Variants in TLL2 observed in about 807,000 individuals in gnomAD.
TLL2 encodes tolloid-like protein 2.
Under a neutral mutation model 123.0 loss-of-function variants are expected in TLL2, and 106 were observed. The ratio of observed to expected loss-of-function variants is 0.86; its 90% CI spans 0.74 to 1.01. TLL2 has a LOEUF of 1.01. Ranked by LOEUF, TLL2 falls within the 50% of genes least tolerant of loss-of-function variation. The probability of loss-of-function intolerance (pLI) is 0.00; values close to 1 mark genes in which losing one functional copy is unlikely to be tolerated. For missense variants in TLL2, 1,332 were observed against 1,336.7 expected (o/e 1.00, Z 0.06); for synonymous variants, 494 against 516.8 (o/e 0.96, Z 0.60).
chr10:96,367,985 A>C lies in TLL2; in HGVS notation c.*103T>G. 2.1e-6 allele frequency: 3 copies of C among 1,401,632 alleles called. No homozygotes were observed. The highest frequency in any genetic ancestry group is 2.9e-6 in the Non-Finnish European group (3 of 1,036,774). The allele number at this position is 1,401,632 out of a possible 1,614,324, so 86.8% of individuals were successfully genotyped here. On this transcript the variant is annotated 3_prime_UTR_variant, in exon 21 of 21. Transcript: ENST00000357947. The stretch of plus-strand genomic sequence containing the variant: ...GATTCTGAGTTTTTGTTTGAGAAAA[A>C]TACTGTACACTGTTTTAGGGCAGAT...
At position 96,413,320 on chromosome 10, in the gene TLL2, C is replaced by T. The variant is rs1000172189; in HGVS notation, c.924-4G>A. Reference sequence around the variant, plus strand: ...GATGGTGTCTAAGAAAACTCCTCTACAGGAAGGAAAAAAGACAGAAAAAGA... The same window carrying T: ...GATGGTGTCTAAGAAAACTCCTCTATAGGAAGGAAAAAAGACAGAAAAAGA... On this transcript the variant is annotated splice_region_variant and splice_polypyrimidine_tract_variant and intron_variant, in intron 7 of 20. Coordinates refer to ENST00000357947, the MANE Select transcript of TLL2 (RefSeq NM_012465.4). The T allele has an allele frequency of 3.7e-6, 6 of 1,611,788 alleles. No individual in the cohort carries two copies. The highest frequency in any genetic ancestry group is 3.3e-5 in the Admixed American group (2 of 59,882).
rs918135323 is a variant in TLL2 at position 96,419,234 on chromosome 10, G to A, written c.923+1722C>T. Reference sequence around the variant, plus strand: ...TCAGATTTCCTGTATGGCAGTGAATGAGATCATAATCTGTCAACCCCTCAC... The same window carrying A: ...TCAGATTTCCTGTATGGCAGTGAATAAGATCATAATCTGTCAACCCCTCAC... On this transcript the variant is annotated intron_variant, in intron 7 of 20. Coordinates refer to ENST00000357947, the MANE Select transcript of TLL2 (RefSeq NM_012465.4). Among the ~76,000 whole-genome samples, 6 of 152,126 alleles carry A rather than the reference G, an allele frequency of 3.9e-5. 1 individual carries two copies. The highest frequency in any genetic ancestry group is 1.3e-4 in the Admixed American group (2 of 15,290).
intron 9 of TLL2, among the ~76,000 whole-genome samples, chr10:96,408,194 C>T (rs899515831): frequency 6.6e-6 from 1 of 152,258 alleles, no homozygotes; most frequent in East Asian, 1.9e-4. Context: ...TTTAAAATTA[C>T]AGAAAGGAAA....
At chr10:96,395,825 T>C (rs199858363) in intron 12 of TLL2, 50 bp downstream of exon 12, 10 of 1,606,518 alleles carry the variant, frequency 6.2e-6, no homozygotes, top group Non-Finnish European at 8.5e-6. Context: ...GTGGAGGATG[T>C]CTAGCAAAAG....
chr10:96,508,892 G>A (rs1053430911), intron 1 of TLL2, among the ~76,000 whole-genome samples: 3 of 152,042 alleles, frequency 2.0e-5, no homozygotes, highest in Admixed American at 2.0e-4. Context: ...CCTCCCACTG[G>A]AGAGGTGGGT....
chr10:96,413,143 C>T, intron 8 of TLL2, 49 bp downstream of exon 8: 2 of 1,607,092 alleles, frequency 1.2e-6, no homozygotes, highest in South Asian at 1.1e-5. Flanking sequence ...AGGGACTGTG[C>T]TTTGGAGATG....
At chr10:96,414,453 C>T (rs999297718) in intron 7 of TLL2, among the ~76,000 whole-genome samples, 2 of 152,156 alleles carry the variant, frequency 1.3e-5, no homozygotes, top group East Asian at 1.9e-4. Context: ...GCCCTCCTCC[C>T]TCCTCACTGT....
intron 1 of TLL2, among the ~76,000 whole-genome samples, chr10:96,508,898 T>A (rs1316302567): frequency 6.6e-6 from 1 of 151,728 alleles, no homozygotes; most frequent in Non-Finnish European, 1.5e-5. Context: ...ACTGGAGAGG[T>A]GGGTCTGTGC....
At chr10:96,396,357 C>G (rs922097550) in intron 11 of TLL2, among the ~76,000 whole-genome samples, 3 of 152,132 alleles carry the variant, frequency 2.0e-5, no homozygotes, top group African/African-American at 7.2e-5. Flanking sequence ...GGGAGCGCTG[C>G]GTAGCCGTGA....
chr10:96,510,825 G>T (rs1442392436), intron 1 of TLL2, among the ~76,000 whole-genome samples: 2 of 152,198 alleles, frequency 1.3e-5, no homozygotes, highest in Non-Finnish European at 2.9e-5. Flanking sequence ...GCAGCCAGGG[G>T]GCTCACACTG....
At chr10:96,394,157 T>C (rs1469943530) in intron 13 of TLL2, among the ~76,000 whole-genome samples, 2 of 152,048 alleles carry the variant, frequency 1.3e-5, no homozygotes, top group Non-Finnish European at 2.9e-5. Flanking sequence ...CTGTGCTGGC[T>C]CAGCCAGGAG....
chr10:96,420,036 C>T (rs560073435), intron 7 of TLL2, among the ~76,000 whole-genome samples: 37 of 152,328 alleles, frequency 2.4e-4, no homozygotes, highest in Middle Eastern at 3.4e-3. Context: ...TTTCCTTCTC[C>T]TTTCCCCCAG....
Position 96,480,338 on chromosome 10 carries a change from G to A in TLL2, c.286+11C>T, listed in dbSNP as rs1420046624. ...CCATCTGGGCAGGAGAAGGGAGGAA[G>A]CAGTACCTACCTGTGCTGTGTCCTG... On this transcript the variant is annotated intron_variant, in intron 2 of 20. Coordinates refer to ENST00000357947, the MANE Select transcript of TLL2 (RefSeq NM_012465.4). The A allele has an allele frequency of 6.2e-7, 1 of 1,610,460 alleles. No homozygotes were observed. The highest frequency in any genetic ancestry group is 2.2e-5 in the East Asian group (1 of 44,874).
intron 2 of TLL2, among the ~76,000 whole-genome samples, chr10:96,475,137 G>A (rs1421945246): frequency 1.3e-5 from 2 of 152,190 alleles, no homozygotes; most frequent in Non-Finnish European, 2.9e-5. Context: ...GTGGTCACAA[G>A]GTTGCCAGAA....
Position 96,508,537 on chromosome 10 carries a change from C to T in TLL2, c.175+4974G>A, listed in dbSNP as rs1031623876. On this transcript the variant is annotated intron_variant, in intron 1 of 20. Transcript: ENST00000357947. ...GGGACCCACAGCTGTGAAGAAGGCC[C>T]TGGTATTTACCAAGCCATCCACTGA... Among the ~76,000 whole-genome samples, 7 of 152,194 alleles carry T rather than the reference C, an allele frequency of 4.6e-5. No homozygotes were observed. The East Asian group carries it at 1.3e-3, about 29-fold the overall frequency.
intron 1 of TLL2, among the ~76,000 whole-genome samples, chr10:96,500,710 C>T (rs369079186): frequency 1.0e-4 from 15 of 144,552 alleles, no homozygotes; most frequent in East Asian, 8.8e-4. Flanking sequence ...CACCTGAGCC[C>T]GGGAGGCGGA....
chr10:96,436,923 C>T lies in TLL2; in HGVS notation c.365-3961G>A, dbSNP rs151028262. ...CTGGTCTCAAACTCCTGAGCTAAAG[C>T]GATCTGCCCACCTTGACCTCCCAGA... On this transcript the variant is annotated intron_variant, in intron 3 of 20. Transcript: ENST00000357947. 1.8e-4 allele frequency among the ~76,000 whole-genome samples: 28 copies of T among 152,254 alleles called. No homozygotes were observed. The East Asian group carries it at 2.5e-3, about 14-fold the overall frequency.
chr10:96,378,446 A>G (rs748519201), intron 17 of TLL2, among the ~76,000 whole-genome samples: 10 of 152,214 alleles, frequency 6.6e-5, no homozygotes, highest in Non-Finnish European at 1.5e-4. Flanking sequence ...GCTTTCCCCA[A>G]ATCCTATTTT....
At chr10:96,397,138 C>T (rs1018162356) in intron 11 of TLL2, 48 bp downstream of exon 11, 2 of 1,532,186 alleles carry the variant, frequency 1.3e-6, no homozygotes, top group African/African-American at 2.7e-5. Flanking sequence ...CTGGGAAGGA[C>T]AGAGCTTATG....
Sources: gnomAD v4.1 joint callset for allele counts (sites outside exome capture counted in the v4.1 genomes callset) on GRCh38, gnomAD v4.1.1 for gene constraint, MANE v1.5 for transcripts, NCBI Gene and HGNC (gene_info 2026-07-23, HGNC 2026-07-21) for gene names.